The following RFX3 variants were observed in gnomAD, a reference collection of about 807,000 sequenced individuals.
RFX3 encodes transcription factor RFX3.
In RFX3, 14 loss-of-function variants were observed where a neutral mutation model predicts 98.6. The observed-to-expected ratio is 0.14, with a 90% CI of 0.09 to 0.22. The LOEUF is 0.22. Ranked by LOEUF, RFX3 falls within the 10% of genes least tolerant of loss-of-function variation. The probability of loss-of-function intolerance (pLI) is 1.00; values close to 1 mark genes in which losing one functional copy is unlikely to be tolerated. For synonymous variants in RFX3, 383 were observed against 328.4 expected (o/e 1.17, Z -1.80); for missense variants, 639 against 926.9 (o/e 0.69, Z 4.03).
intron 1 of RFX3, chr9:3,452,233 T>C (rs1353807378): frequency 5.9e-6 from 1 of 170,012 alleles, no homozygotes; most frequent in Non-Finnish European, 1.3e-5. Context: ...CAGATGTCAA[T>C]CTGGTACAAG....
chr9:3,399,440 G>A (rs932498786), intron 1 of RFX3, among the ~76,000 whole-genome samples: 7 of 151,490 alleles, frequency 4.6e-5, no homozygotes, highest in African/African-American at 1.2e-4. Context: ...CCAAAACTCC[G>A]TCTCAAAACA....
At chr9:3,380,341 C>CA (rs1161361903) in intron 2 of RFX3, among the ~76,000 whole-genome samples, 1 of 152,184 alleles carries the variant, frequency 6.6e-6, no homozygotes, top group East Asian at 1.9e-4. Context: ...CCAACTGACT[C>CA]ACCTCTTTGC....
intron 15 of RFX3, among the ~76,000 whole-genome samples, chr9:3,233,463 T>G (rs531782872): frequency 6.6e-6 from 1 of 152,340 alleles, no homozygotes; most frequent in South Asian, 2.1e-4. Flanking sequence ...AGCCTTGTTC[T>G]GTAATGTTTG....
Position 3,525,956 on chromosome 9 carries a change from G to C in RFX3, c.-218C>G, listed in dbSNP as rs957538716. ...AGAGAGAGAGGGAGAGAGAGAGAGA[G>C]CGAGAGGGAGAGGGAGACACTCGCA... On this transcript the variant is annotated 5_prime_UTR_variant, in exon 1 of 17. Transcript: ENST00000617270. 83 of 638,632 alleles carry C rather than the reference G, an allele frequency of 1.3e-4. No individual in the cohort carries two copies. The highest frequency in any genetic ancestry group is 1.6e-4 in the Non-Finnish European group (81 of 515,594). The allele number at this position is 638,632 out of a possible 1,614,324, so 39.6% of individuals were successfully genotyped here. A position where few individuals can be genotyped will look rare whatever the true frequency, so the allele number is the denominator to read the frequency against.
intron 4 of RFX3, among the ~76,000 whole-genome samples, chr9:3,328,293 T>C (rs1196248418): frequency 6.6e-6 from 1 of 152,192 alleles, no homozygotes; most frequent in Non-Finnish European, 1.5e-5. Flanking sequence ...CTCTTTTCTT[T>C]TTATGTTGAA....
chr9:3,289,506 C>G (rs533930303), intron 6 of RFX3, among the ~76,000 whole-genome samples: 1 of 152,176 alleles, frequency 6.6e-6, no homozygotes, highest in East Asian at 1.9e-4. Flanking sequence ...TTGTGGCGTT[C>G]TCCTGTACAA....
intron 4 of RFX3, chr9:3,324,012 T>C (rs1831604228): frequency 2.2e-6 from 1 of 448,806 alleles, no homozygotes; most frequent in Admixed American, 2.4e-5. Flanking sequence ...GCCCAGAACC[T>C]TCAGTCAATT....
At chr9:3,334,902 C>T (rs765688465) in intron 3 of RFX3, among the ~76,000 whole-genome samples, 1 of 151,956 alleles carries the variant, frequency 6.6e-6, no homozygotes, top group Non-Finnish European at 1.5e-5. Flanking sequence ...GGTGGATCAC[C>T]TGAGGTCAGG....
intron 1 of RFX3, among the ~76,000 whole-genome samples, chr9:3,480,414 C>G (rs926530256): frequency 1.3e-5 from 2 of 152,154 alleles, no homozygotes; most frequent in African/African-American, 4.8e-5. Context: ...CTTTTTGCAC[C>G]CAGACCTGGA....
intron 13 of RFX3, among the ~76,000 whole-genome samples, chr9:3,259,451 A>G (rs1822575157): frequency 6.6e-6 from 1 of 151,944 alleles, no homozygotes; most frequent in East Asian, 1.9e-4. Flanking sequence ...ACGAATGTAG[A>G]TATTTCAAGT....
intron 6 of RFX3, among the ~76,000 whole-genome samples, chr9:3,291,741 T>A (rs984613025): frequency 9.2e-5 from 14 of 152,126 alleles, no homozygotes; most frequent in Non-Finnish European, 1.5e-4. Context: ...CTCACTCCTC[T>A]TTTTGGTATA....
At chr9:3,238,998 A>G (rs1206370547) in intron 15 of RFX3, among the ~76,000 whole-genome samples, 1 of 151,708 alleles carries the variant, frequency 6.6e-6, no homozygotes, top group East Asian at 1.9e-4. Flanking sequence ...TTCCATCTCA[A>G]AGAAAAAAAA....
intron 15 of RFX3, among the ~76,000 whole-genome samples, chr9:3,240,842 CAGAGTGT>C (rs1205192485): frequency 6.6e-6 from 1 of 152,176 alleles, no homozygotes; most frequent in Non-Finnish European, 1.5e-5. Context: ...CACAGGATGA[CAGAGTGT>C]GGCAAAGTGG....
intron 1 of RFX3, among the ~76,000 whole-genome samples, chr9:3,522,249 C>T (rs1818792845): frequency 6.6e-6 from 1 of 152,082 alleles, no homozygotes; most frequent in Admixed American, 6.6e-5. Context: ...TCTTGGATTT[C>T]CAAAATATGG....
At chr9:3,304,834 G>T (rs753257025) in intron 4 of RFX3, among the ~76,000 whole-genome samples, 2 of 151,902 alleles carry the variant, frequency 1.3e-5, no homozygotes, top group African/African-American at 4.8e-5. Flanking sequence ...GCATGAGAAC[G>T]GACTAATATG....
chr9:3,378,538 T>C (rs1350223647), intron 2 of RFX3, among the ~76,000 whole-genome samples: 1 of 150,752 alleles, frequency 6.6e-6, no homozygotes, highest in African/African-American at 2.4e-5. Flanking sequence ...CACTTCTTTC[T>C]CATATTTTTT....
At chr9:3,295,365 A>C (rs1827865177) in intron 5 of RFX3, among the ~76,000 whole-genome samples, 1 of 152,066 alleles carries the variant, frequency 6.6e-6, no homozygotes. Context: ...TGGCAGCCCT[A>C]GTGAGCTGTA....
chr9:3,497,209 T>C (rs1369655952), intron 1 of RFX3, among the ~76,000 whole-genome samples: 2 of 152,040 alleles, frequency 1.3e-5, no homozygotes, highest in East Asian at 3.9e-4. Flanking sequence ...AACTACAATC[T>C]GAACAATTGA....
intron 5 of RFX3, among the ~76,000 whole-genome samples, chr9:3,297,231 G>A (rs913508012): frequency 1.3e-5 from 2 of 151,714 alleles, no homozygotes; most frequent in African/African-American, 4.8e-5. Flanking sequence ...TATATCTTTT[G>A]CTCTTTTATA....
Sources: allele counts gnomAD v4.1 joint callset (sites outside exome capture counted in the v4.1 genomes callset), GRCh38; gene constraint gnomAD v4.1.1; transcripts MANE v1.5; gene names NCBI Gene and HGNC (gene_info 2026-07-23, HGNC 2026-07-21).